The following TBC1D9 variants were observed in gnomAD, a reference collection of about 807,000 sequenced individuals.
TBC1D9 encodes the protein TBC1 domain family member 9A.
In TBC1D9, 63 loss-of-function variants were observed where a neutral mutation model predicts 132.0. That is an observed-to-expected ratio of 0.48 (90% confidence interval 0.39 to 0.59). The LOEUF (loss-of-function observed/expected upper bound fraction) is 0.59. TBC1D9 is among the 20% of genes least tolerant of loss of function. The pLI is 0.00. For missense variants in TBC1D9, 1,261 were observed against 1,592.7 expected, an observed-to-expected ratio of 0.79 and a Z score of 3.54; for synonymous variants, 610 against 609.9, an observed-to-expected ratio of 1.00 and a Z score of 0.00.
intron 13 of TBC1D9, chr4:140,641,927 A>G: frequency 2.2e-6 from 1 of 459,072 alleles, no homozygotes; most frequent in Non-Finnish European, 4.0e-6. Flanking sequence ...TAGGAAACAC[A>G]GAAAGTATTT....
intron 9 of TBC1D9, among the ~76,000 whole-genome samples, chr4:140,665,689 T>C (rs1224000464): frequency 2.0e-5 from 3 of 152,124 alleles, no homozygotes; most frequent in Non-Finnish European, 4.4e-5. Flanking sequence ...CTATATTTTA[T>C]TTTCTGAGAG....
At chr4:140,731,193 G>A (rs934602680) in intron 1 of TBC1D9, among the ~76,000 whole-genome samples, 6 of 152,156 alleles carry the variant, frequency 3.9e-5, no homozygotes, top group Non-Finnish European at 8.8e-5. Flanking sequence ...TTCTCACTCA[G>A]TGCCATCCTC....
rs1313871145 is a variant in TBC1D9 at position 140,699,543 on chromosome 4, T to C, written c.241+1961A>G. On this transcript the variant is annotated intron_variant, in intron 2 of 20. Transcript: ENST00000442267. ...ACAAAAATCTACTGCCCCTGTCTAA[T>C]CATGAGAAAAATATCAAACAAATTC... Among the ~76,000 whole-genome samples the C allele has an allele frequency of 2.0e-5, 3 of 152,176 alleles. No individual in the cohort carries two copies. The East Asian group carries it at 5.8e-4, about 29-fold the overall frequency.
intron 1 of TBC1D9, among the ~76,000 whole-genome samples, chr4:140,747,014 T>A (rs970447916): frequency 1.0e-4 from 15 of 146,712 alleles, no homozygotes; most frequent in Non-Finnish European, 2.2e-4. Flanking sequence ...TAAATAAAAA[T>A]AAAAAATAAA....
intron 9 of TBC1D9, among the ~76,000 whole-genome samples, chr4:140,664,466 T>G (rs946449224): frequency 1.3e-5 from 2 of 152,148 alleles, no homozygotes; most frequent in African/African-American, 2.4e-5. Context: ...ATCTGTCCTT[T>G]TTGCAAAAAT....
intron 13 of TBC1D9, among the ~76,000 whole-genome samples, chr4:140,641,089 G>GAAA (rs1560869533): frequency 6.6e-5 from 1 of 15,144 alleles, no homozygotes; most frequent in Non-Finnish European, 1.1e-4. Flanking sequence ...ATAATACTAA[G>GAAA]CAAAAAAAAA....
chr4:140,712,611 G>A (rs556757709), intron 1 of TBC1D9, among the ~76,000 whole-genome samples: 1 of 150,408 alleles, frequency 6.6e-6, no homozygotes, highest in African/African-American at 2.4e-5. Flanking sequence ...GCGTAGTGGC[G>A]GGCGCCTGTT....
At chr4:140,731,196 C>T (rs577791799) in intron 1 of TBC1D9, among the ~76,000 whole-genome samples, 5 of 152,294 alleles carry the variant, frequency 3.3e-5, no homozygotes, top group East Asian at 1.9e-4. Flanking sequence ...TCACTCAGTG[C>T]CATCCTCTGC....
chr4:140,667,939 C>T (rs75089093), intron 9 of TBC1D9, among the ~76,000 whole-genome samples: 7,655 of 151,816 alleles, frequency 0.05, 652 homozygotes, highest in African/African-American at 0.17. Flanking sequence ...TCCTGTGAGT[C>T]GTAATTATTA....
At chr4:140,741,192 A>G (rs921410114) in intron 1 of TBC1D9, among the ~76,000 whole-genome samples, 1 of 152,198 alleles carries the variant, frequency 6.6e-6, no homozygotes, top group Admixed American at 6.5e-5. Flanking sequence ...GAAGATACCA[A>G]ACTCCAACGT....
At chr4:140,742,111 T>C (rs1446625663) in intron 1 of TBC1D9, among the ~76,000 whole-genome samples, 3 of 152,178 alleles carry the variant, frequency 2.0e-5, no homozygotes, top group East Asian at 3.8e-4. Flanking sequence ...TCATGGTCCT[T>C]ACATTTGGCT....
chr4:140,666,949 G>C (rs1470109916), intron 9 of TBC1D9, among the ~76,000 whole-genome samples: 1 of 152,182 alleles, frequency 6.6e-6, no homozygotes, highest in East Asian at 1.9e-4. Flanking sequence ...CACTCACGCT[G>C]GCCCTGGAAA....
chr4:140,679,925 A>G, intron 3 of TBC1D9, 82 bp from the exon 4 acceptor site: 1 of 1,252,776 alleles, frequency 8.0e-7, no homozygotes, highest in African/African-American at 1.5e-5. Flanking sequence ...AAAATTTCTA[A>G]GGCTAGAATT....
At chr4:140,742,087 G>A (rs1328733948) in intron 1 of TBC1D9, among the ~76,000 whole-genome samples, 2 of 152,128 alleles carry the variant, frequency 1.3e-5, no homozygotes, top group Non-Finnish European at 2.9e-5. Context: ...GTCCTCCAGA[G>A]GCTGTGTCAT....
At chr4:140,701,122 G>A (rs186530485) in intron 2 of TBC1D9, among the ~76,000 whole-genome samples, 247 of 152,294 alleles carry the variant, frequency 1.6e-3, no homozygotes, top group Admixed American at 3.5e-3. Context: ...TTGGGCCCAC[G>A]TGACTAGTCT....
In TBC1D9 at chr4:140,622,464, G is replaced by C. The variant is rs745333327; in HGVS notation, c.3532C>G (p.Leu1178Val). ...TCCTCTCCGATGTCCTCGCAGTGCA[G>C]CTTGTCCTCCTCGTGGGAGCCGGCA... Reference protein sequence around the residue: ...LSAGSHEEDKLHCEDIGEDTV... With the variant: ...LSAGSHEEDKVHCEDIGEDTV... The change falls in exon 21 of 21, where the codon CTG becomes GTG. Residue 1178 changes from leucine (L) to valine (V), a missense_variant. Around this residue, in one of 3 missense-constraint regions of TBC1D9, gnomAD observed 618 missense variants for 724.4 expected, o/e 0.85. Coordinates refer to ENST00000442267, the MANE Select transcript of TBC1D9 (RefSeq NM_015130.3). 6.2e-7 allele frequency: 1 copy of C among 1,614,052 alleles called. No homozygotes were observed. The highest frequency in any genetic ancestry group is 8.5e-7 in the Non-Finnish European group (1 of 1,179,888).
intron 1 of TBC1D9, among the ~76,000 whole-genome samples, chr4:140,731,830 C>T (rs572224742): frequency 6.6e-6 from 1 of 152,156 alleles, no homozygotes; most frequent in South Asian, 2.1e-4. Flanking sequence ...GTCTCAAAGC[C>T]AAATTTTCTT....
chr4:140,746,893 G>A (rs531849301), intron 1 of TBC1D9, among the ~76,000 whole-genome samples: 10 of 152,252 alleles, frequency 6.6e-5, no homozygotes, highest in African/African-American at 1.2e-4. Context: ...TAGGACGGGC[G>A]CAGTGGCTCA....
intron 3 of TBC1D9, among the ~76,000 whole-genome samples, chr4:140,683,434 T>C (rs2111022026): frequency 6.6e-6 from 1 of 152,330 alleles, no homozygotes; most frequent in East Asian, 1.9e-4. Flanking sequence ...GACTAGATTA[T>C]GGAATACAGG....
Sources: gnomAD v4.1 joint callset for allele counts (sites outside exome capture counted in the v4.1 genomes callset) on GRCh38, gnomAD v4.1.1 for gene constraint, gnomAD v4.1.1 regional missense constraint, MANE v1.5 for transcripts, NCBI Gene and HGNC (gene_info 2026-07-23, HGNC 2026-07-21) for gene names.